TMPRSS6: variants seen among roughly 807,000 people sequenced by gnomAD.
TMPRSS6 encodes the protein transmembrane serine protease 6.
Under a neutral mutation model 101.5 loss-of-function variants are expected in TMPRSS6, and 67 were observed. The ratio of observed to expected loss-of-function variants is 0.66; its 90% confidence interval spans 0.54 to 0.81. TMPRSS6 has a LOEUF of 0.81. Ranked by LOEUF, TMPRSS6 falls within the 30% of genes least tolerant of loss-of-function variation. TMPRSS6 has a pLI of 0.00. For missense variants in TMPRSS6, 1,034 were observed against 1,088.7 expected (o/e 0.95, Z 0.71); for synonymous variants, 453 against 464.9 (o/e 0.97, Z 0.33).
At chr22:37,075,700 C>G (rs555709257) in intron 10 of TMPRSS6, among the ~76,000 whole-genome samples, 1 of 152,092 alleles carries the variant, frequency 6.6e-6, no homozygotes, top group Non-Finnish European at 1.5e-5. Flanking sequence ...GTCGGGAGTT[C>G]GAGACCAGAC....
chr22:37,079,846 G>A (rs2146088419), intron 10 of TMPRSS6, among the ~76,000 whole-genome samples: 1 of 152,354 alleles, frequency 6.6e-6, no homozygotes, highest in Middle Eastern at 3.4e-3. Flanking sequence ...GCCCAGCTCA[G>A]GTCAGCCACA....
At chr22:37,082,830 G>A in intron 10 of TMPRSS6, 3 of 390,748 alleles carry the variant, frequency 7.7e-6, no homozygotes, top group South Asian at 5.9e-5. Context: ...CAACAGCATA[G>A]CCCTAGATCA....
chr22:37,108,195 G>T (rs1433021475), intron 1 of TMPRSS6, among the ~76,000 whole-genome samples: 3 of 152,162 alleles, frequency 2.0e-5, no homozygotes, highest in Non-Finnish European at 4.4e-5. Context: ...AAGAGCCCTC[G>T]TGGACCTTGA....
At chr22:37,097,425 C>T (rs1381647346) in intron 3 of TMPRSS6, among the ~76,000 whole-genome samples, 2 of 152,254 alleles carry the variant, frequency 1.3e-5, no homozygotes, top group African/African-American at 4.8e-5. Flanking sequence ...CCGAATAGGG[C>T]ATCTCTGGGA....
Position 37,103,748 on chromosome 22 carries a change from C to G in TMPRSS6, c.-1-330G>C, listed in dbSNP as rs1930534481. The G allele has an allele frequency of 4.4e-6, 3 of 681,674 alleles. No homozygotes were observed. Among genetic ancestry groups the G allele is most frequent in the Admixed American group, 4.3e-5 (2 of 46,138 alleles). 42.2% of individuals were successfully genotyped at this position (681,674 alleles called of 1,614,324 possible). A position where few individuals can be genotyped will look rare whatever the true frequency, so the allele number is the denominator to read the frequency against. On this transcript the variant is annotated intron_variant, in intron 1 of 17. Coordinates refer to ENST00000676104, the MANE Select transcript of TMPRSS6 (RefSeq NM_001374504.1). The surrounding 1 kb of genome is among the most constrained non-coding windows in gnomAD (Gnocchi z 4.4). ...CCCACCTCCCTAGAGGCTGCACCCA[C>G]AGACAGAACTGAAGTACATGGGGTG...
In TMPRSS6 at chr22:37,065,919, A is replaced by C; in HGVS notation, c.*161T>G. The C allele has an allele frequency of 1.1e-6, 1 of 896,966 alleles. No individual in the cohort carries two copies. Among genetic ancestry groups the C allele is most frequent in the Admixed American group, 2.2e-5 (1 of 45,016 alleles). 55.6% of individuals were successfully genotyped at this position (896,966 alleles called of 1,614,324 possible). On this transcript the variant is annotated 3_prime_UTR_variant, in exon 18 of 18. Transcript: ENST00000676104. ...GGCACTTCTCCATCCTCCTGCCATC[A>C]CTGGAGCAGACATCAGGGACGAGAC... is the stretch of plus-strand genomic sequence containing the variant.
chr22:37,072,314 G>GTTGC (rs1927069696), intron 13 of TMPRSS6, among the ~76,000 whole-genome samples: 14 of 146,978 alleles, frequency 9.5e-5, no homozygotes, highest in Admixed American at 3.4e-4. Flanking sequence ...ATGATGGATG[G>GTTGC]ATGGATGATG....
At chr22:37,077,773 GAATT>G (rs1021279589) in intron 10 of TMPRSS6, among the ~76,000 whole-genome samples, 1 of 152,194 alleles carries the variant, frequency 6.6e-6, no homozygotes, top group Admixed American at 6.5e-5. Flanking sequence ...TATATTAAAA[GAATT>G]AATAAACATT....
rs150975919 is a variant in TMPRSS6 at position 37,068,360 on chromosome 22, G to A, written c.2113+713C>T. Among the ~76,000 whole-genome samples, 234 of 152,318 alleles carry A rather than the reference G, an allele frequency of 1.5e-3. 1 individual carries two copies. The highest frequency in any genetic ancestry group is 4.7e-3 in the African/African-American group (195 of 41,570). Reference sequence around the variant, plus strand: ...ATCCTTAAAATATCTCTGCGGCCCCGCCTGCTTCCAGATTGTAAGTCACTG... The same window carrying A: ...ATCCTTAAAATATCTCTGCGGCCCCACCTGCTTCCAGATTGTAAGTCACTG... On this transcript the variant is annotated intron_variant, in intron 16 of 17. Coordinates refer to ENST00000676104, the MANE Select transcript of TMPRSS6 (RefSeq NM_001374504.1).
intron 6 of TMPRSS6, among the ~76,000 whole-genome samples, chr22:37,093,793 C>T (rs2146142203): frequency 1.3e-5 from 2 of 151,604 alleles, no homozygotes; most frequent in South Asian, 4.2e-4. Flanking sequence ...GAGGTGGAGG[C>T]AGGTGGATCA....
At chr22:37,106,771 C>T (rs1051185862) in intron 1 of TMPRSS6, among the ~76,000 whole-genome samples, 15 of 152,212 alleles carry the variant, frequency 9.9e-5, no homozygotes, top group African/African-American at 3.6e-4. Flanking sequence ...CCACCCTCCT[C>T]GTGGCTATAA....
At chr22:37,066,710 C>G (rs111549672) in intron 17 of TMPRSS6, 116 bp downstream of exon 17, 3 of 1,437,746 alleles carry the variant, frequency 2.1e-6, no homozygotes, top group African/African-American at 2.8e-5. Context: ...GCCATCACCA[C>G]CTTGCTGGGA....
intron 6 of TMPRSS6, among the ~76,000 whole-genome samples, chr22:37,093,911 T>C (rs1929500019): frequency 6.6e-6 from 1 of 151,894 alleles, no homozygotes; most frequent in African/African-American, 2.4e-5. Flanking sequence ...TAGTCCCAGC[T>C]ACTCAGGAGG....
intron 1 of TMPRSS6, among the ~76,000 whole-genome samples, chr22:37,104,818 G>A (rs1056451693): frequency 3.9e-5 from 6 of 152,128 alleles, no homozygotes; most frequent in Middle Eastern, 3.4e-3. Context: ...AAAATTAGCC[G>A]GCTGTGGTGG....
Position 37,103,169 on chromosome 22 carries a change from C to A in TMPRSS6, c.202+47G>T. 1 of 1,601,652 alleles carries A rather than the reference C, an allele frequency of 6.2e-7. No individual in the cohort carries two copies. Among genetic ancestry groups the A allele is most frequent in the Non-Finnish European group, 8.5e-7 (1 of 1,170,478 alleles). On this transcript the variant is annotated intron_variant, in intron 2 of 17. Coordinates refer to ENST00000676104, the MANE Select transcript of TMPRSS6 (RefSeq NM_001374504.1). This position sits in a 1 kb window ranked among gnomAD's most constrained non-coding sequence, Gnocchi z 4.4. ...GTCCTGCTGTGCCTGCTACAGTCAC[C>A]CCAAGTCCTCCCCAGGTGCCTCTCC...
intron 10 of TMPRSS6, among the ~76,000 whole-genome samples, chr22:37,078,781 GGAGAAGAAGAAGGAGGAGGAGGAA>G (rs1257297439): frequency 2.1e-5 from 3 of 144,928 alleles, no homozygotes; most frequent in East Asian, 2.0e-4. Flanking sequence ...AGAAGGAGGA[GGAGAAGAAGAAGGAGGAGGAGGAA>G]GAGGAGAAGG....
At chr22:37,081,958 A>T (rs1193600410) in intron 10 of TMPRSS6, among the ~76,000 whole-genome samples, 1 of 152,200 alleles carries the variant, frequency 6.6e-6, no homozygotes, top group African/African-American at 2.4e-5. Context: ...GGATTAGGGA[A>T]AAGACTCTCC....
At chr22:37,072,318 G>T (rs569649811) in intron 13 of TMPRSS6, among the ~76,000 whole-genome samples, 2 of 146,094 alleles carry the variant, frequency 1.4e-5, no homozygotes, top group South Asian at 4.5e-4. Flanking sequence ...TGGATGGATG[G>T]ATGATGGATG....
At chr22:37,084,986 C>G in intron 8 of TMPRSS6, 147 bp from the exon 9 acceptor site, 1 of 689,042 alleles carries the variant, frequency 1.5e-6, no homozygotes, top group Non-Finnish European at 2.6e-6. Flanking sequence ...GTCTCAGTTT[C>G]CTCATCTGTA....
Sources: gnomAD v4.1 joint callset for allele counts (sites outside exome capture counted in the v4.1 genomes callset) on GRCh38, gnomAD v4.1.1 for gene constraint, Gnocchi (gnomAD v3.1) non-coding constraint, MANE v1.5 for transcripts, NCBI Gene and HGNC (gene_info 2026-07-23, HGNC 2026-07-21) for gene names.